Variants in MARCHF1 observed in about 807,000 individuals in gnomAD.
MARCHF1 encodes E3 ubiquitin-protein ligase MARCHF1.
A neutral mutation model predicts 54.2 loss-of-function variants in MARCHF1; 40 were observed. The observed-to-expected ratio is 0.74, with a 90% confidence interval of 0.57 to 0.96. The LOEUF (loss-of-function observed/expected upper bound fraction) is 0.96, where lower values mean the gene tolerates loss of function less well. Ranked by LOEUF, MARCHF1 falls within the 40% of genes least tolerant of loss-of-function variation. The pLI is 0.00. For synonymous variants in MARCHF1, 236 were observed against 236.3 expected, an observed-to-expected ratio of 1.00 and a Z score of 0.01; for missense variants, 586 against 656.5, an observed-to-expected ratio of 0.89 and a Z score of 1.17.
chr4:163,954,427 G>A (rs2110791375), intron 3 of MARCHF1, among the ~76,000 whole-genome samples: 1 of 152,152 alleles, frequency 6.6e-6, no homozygotes, highest in Non-Finnish European at 1.5e-5. Context: ...ATATAATGAG[G>A]TGACATTTAG....
chr4:164,163,203 T>A (rs1488859189), intron 1 of MARCHF1, among the ~76,000 whole-genome samples: 1 of 151,826 alleles, frequency 6.6e-6, no homozygotes, highest in African/African-American at 2.4e-5. Flanking sequence ...AGCAAAATGT[T>A]ATATATTTGG....
intron 2 of MARCHF1, among the ~76,000 whole-genome samples, chr4:164,077,569 A>T (rs1000382607): frequency 1.3e-5 from 2 of 152,244 alleles, no homozygotes; most frequent in Non-Finnish European, 2.9e-5. Context: ...ACAGCAAAAG[A>T]AAGTAGCATC....
At chr4:164,333,352 C>T (rs1729626468) in intron 1 of MARCHF1, among the ~76,000 whole-genome samples, 1 of 152,110 alleles carries the variant, frequency 6.6e-6, no homozygotes, top group Non-Finnish European at 1.5e-5. Context: ...TCTGTGGCAG[C>T]CCTGTGTTGA....
Position 163,613,052 on chromosome 4 carries a change from C to A in MARCHF1, c.243-14G>T. On this transcript the variant is annotated splice_polypyrimidine_tract_variant and intron_variant, in intron 6 of 9. Coordinates refer to ENST00000514618, the MANE Select transcript of MARCHF1 (RefSeq NM_001394959.1). ...AAGATGGCAGATCTAGACAGAGCAGCAGGCAAAGGATGGGAAATGGGAATG... is the reference window on the plus strand; with the variant it reads ...AAGATGGCAGATCTAGACAGAGCAGAAGGCAAAGGATGGGAAATGGGAATG... 1 of 1,460,918 alleles carries A rather than the reference C, an allele frequency of 6.8e-7. No individual in the cohort carries two copies. The allele number at this position is 1,460,918 out of a possible 1,614,324, so 90.5% of individuals were successfully genotyped here.
At chr4:164,101,641 G>C (rs1245856057) in intron 2 of MARCHF1, among the ~76,000 whole-genome samples, 1 of 127,430 alleles carries the variant, frequency 7.8e-6, no homozygotes, top group East Asian at 2.1e-4. Context: ...ACCAAAAGTA[G>C]ATAAAACCAC....
chr4:164,072,391 T>G (rs1430978196), intron 2 of MARCHF1, among the ~76,000 whole-genome samples: 1 of 151,982 alleles, frequency 6.6e-6, no homozygotes. Flanking sequence ...ATGGTGAAAC[T>G]GTCTCTACAA....
At chr4:163,556,099 G>T in intron 8 of MARCHF1, 2 of 310,634 alleles carry the variant, frequency 6.4e-6, no homozygotes, top group Admixed American at 7.0e-5. Context: ...GACATTATTA[G>T]ATTTTTTTTC....
At chr4:163,640,490 AC>A (rs1742514264) in intron 5 of MARCHF1, among the ~76,000 whole-genome samples, 4 of 152,136 alleles carry the variant, frequency 2.6e-5, no homozygotes, top group Admixed American at 2.6e-4. Context: ...ATCAGAAGAA[AC>A]TTTTGAGGTC....
chr4:164,262,107 GAAAAAAA>G (rs1184867700), intron 1 of MARCHF1, among the ~76,000 whole-genome samples: 51 of 72,298 alleles, frequency 7.1e-4, no homozygotes, highest in African/African-American at 1.5e-3. Flanking sequence ...CCTATCTTAA[GAAAAAAA>G]AAAAAAAAAA....
rs114531415 is a variant in MARCHF1 at position 163,567,860 on chromosome 4, C to T, written c.1191+17889G>A. 5.5e-3 allele frequency among the ~76,000 whole-genome samples: 832 copies of T among 152,034 alleles called. 7 individuals are homozygous for T. The highest frequency in any genetic ancestry group is 0.018 in the African/African-American group (738 of 41,470). ...TATTTTTTGAGACGTATGCCATATA[C>T]CTAGAGGAAAAGTACCATTTTAACA... On this transcript the variant is annotated intron_variant, in intron 8 of 9. Transcript: ENST00000514618.
rs192207172 is a variant in MARCHF1, at chr4:164,288,335, A to C, written c.-323+95535T>G. ...TTAATATTCTTATTAAGGGTTAGAA[A>C]AGGGAATCCATTGAAATTAATTGCA... is the stretch of plus-strand genomic sequence containing the variant. On this transcript the variant is annotated intron_variant, in intron 1 of 9. Transcript: ENST00000514618. 3.3e-4 allele frequency among the ~76,000 whole-genome samples: 50 copies of C among 152,280 alleles called. 1 individual carries two copies. In the East Asian group the frequency reaches 9.4e-3, roughly 29 times the overall value.
chr4:164,203,978 A>G (rs552845049), intron 1 of MARCHF1, among the ~76,000 whole-genome samples: 2 of 152,348 alleles, frequency 1.3e-5, no homozygotes, highest in South Asian at 2.1e-4. Flanking sequence ...GTATTCACAC[A>G]TCTGATTTAC....
At chr4:163,975,864 G>A (rs888108407) in intron 3 of MARCHF1, among the ~76,000 whole-genome samples, 7 of 152,136 alleles carry the variant, frequency 4.6e-5, no homozygotes, top group African/African-American at 1.7e-4. Flanking sequence ...TGGATTATAA[G>A]TTGATACACA....
At chr4:163,925,422 T>C (rs1419632871) in intron 3 of MARCHF1, among the ~76,000 whole-genome samples, 1 of 151,838 alleles carries the variant, frequency 6.6e-6, no homozygotes, top group Non-Finnish European at 1.5e-5. Context: ...TTAGTGTCTC[T>C]AGCTTTAATT....
In MARCHF1 at chr4:164,359,216, T is replaced by C. The variant is rs1458388070; in HGVS notation, c.-323+24654A>G. ...GCACTCTATTAACTCCAGTGATGTG[T>C]GTCATTGCATGTGTGTGGTAGTTCT... On this transcript the variant is annotated intron_variant, in intron 1 of 9. Coordinates refer to ENST00000514618, the MANE Select transcript of MARCHF1 (RefSeq NM_001394959.1). Among the ~76,000 whole-genome samples, 3 of 152,186 alleles carry C rather than the reference T, an allele frequency of 2.0e-5. No homozygotes were observed. The East Asian group carries it at 5.8e-4, about 29-fold the overall frequency.
chr4:164,113,451 AGAAAG>A (rs1419112102), intron 1 of MARCHF1, among the ~76,000 whole-genome samples: 2 of 152,140 alleles, frequency 1.3e-5, no homozygotes, highest in Non-Finnish European at 2.9e-5. Context: ...AAAGGGAGAA[AGAAAG>A]GAAAAGAGAG....
chr4:163,822,157 C>A (rs1192043326), intron 4 of MARCHF1, among the ~76,000 whole-genome samples: 1 of 151,566 alleles, frequency 6.6e-6, no homozygotes, highest in African/African-American at 2.4e-5. Context: ...AAGTTGAGAA[C>A]CTAAAGGGAG....
chr4:163,850,445 G>A (rs1749611700), intron 4 of MARCHF1, among the ~76,000 whole-genome samples: 1 of 152,114 alleles, frequency 6.6e-6, no homozygotes, highest in Non-Finnish European at 1.5e-5. Flanking sequence ...GAACCTTTTT[G>A]ACATTTTAGC....
chr4:164,290,306 TGTTA>T (rs1049978870), intron 1 of MARCHF1, among the ~76,000 whole-genome samples: 48 of 152,128 alleles, frequency 3.2e-4, no homozygotes, highest in African/African-American at 1.0e-3. Context: ...CAGAGAGACC[TGTTA>T]GTTAATTATA....
Sources: gnomAD v4.1 joint callset for allele counts (sites outside exome capture counted in the v4.1 genomes callset) on GRCh38, gnomAD v4.1.1 for gene constraint, MANE v1.5 for transcripts, NCBI Gene and HGNC (gene_info 2026-07-23, HGNC 2026-07-21) for gene names.